MS4A5: variants seen among roughly 807,000 people sequenced by gnomAD.
MS4A5 encodes the protein membrane spanning 4-domains A5.
Under a neutral mutation model 18.2 loss-of-function variants are expected in MS4A5, and 15 were observed. That is an observed-to-expected ratio of 0.83 (90% confidence interval 0.55 to 1.27). The LOEUF (loss-of-function observed/expected upper bound fraction) is 1.27. MS4A5 is among the 50% of genes most tolerant of loss of function. The pLI is 0.00. For missense variants in MS4A5, 232 were observed against 225.7 expected (o/e 1.03, Z -0.18); for synonymous variants, 89 against 78.7 (o/e 1.13, Z -0.69).
At chr11:60,435,223 A>G (rs534966934) in intron 4 of MS4A5, among the ~76,000 whole-genome samples, 15 of 152,306 alleles carry the variant, frequency 9.8e-5, no homozygotes, top group Admixed American at 5.9e-4. Context: ...ATCTTAATAA[A>G]TTCCCATCAA....
intron 4 of MS4A5, among the ~76,000 whole-genome samples, chr11:60,445,756 C>G (rs1394154386): frequency 2.0e-5 from 3 of 152,072 alleles, no homozygotes; most frequent in African/African-American, 7.2e-5. Context: ...AATGGCCAAA[C>G]ATACAATAAT....
At chr11:60,429,902 T>C (rs990614690) in intron 1 of MS4A5, 75 bp downstream of exon 1, 5 of 1,410,086 alleles carry the variant, frequency 3.5e-6, no homozygotes, top group South Asian at 2.6e-5. Context: ...TTGGCACATG[T>C]TTGAAGGTAG....
At chr11:60,432,496 T>C (rs1410656889) in intron 3 of MS4A5, 29 bp downstream of exon 3, 3 of 1,427,724 alleles carry the variant, frequency 2.1e-6, no homozygotes, top group South Asian at 1.2e-5. Flanking sequence ...TTATTAAAAA[T>C]ATATTTTGTA....
intron 4 of MS4A5, among the ~76,000 whole-genome samples, chr11:60,444,147 C>T (rs975504665): frequency 2.0e-5 from 3 of 152,070 alleles, no homozygotes; most frequent in Admixed American, 1.3e-4. Context: ...AACATAAGGA[C>T]ATTATAAAAT....
At chr11:60,437,914 C>A (rs540232931) in intron 4 of MS4A5, among the ~76,000 whole-genome samples, 3,105 of 151,954 alleles carry the variant, frequency 0.02, 40 homozygotes, top group Non-Finnish European at 0.029. Context: ...AGCTCTGCAC[C>A]AAGCAGACCT....
chr11:60,432,431 C>T lies in MS4A5; in HGVS notation c.303C>T (p.Phe101=). The T allele has an allele frequency of 2.5e-6, 4 of 1,593,198 alleles. No individual in the cohort carries two copies. The highest frequency in any genetic ancestry group is 3.4e-6 in the Non-Finnish European group (4 of 1,163,406). The change falls in exon 3 of 5, where the codon TTC becomes TTT. Residue 101 remains phenylalanine (F), a synonymous_variant. Coordinates refer to ENST00000300190, the MANE Select transcript of MS4A5 (RefSeq NM_023945.3). ...AACAGTTCATTAATTCTGGAGCCTTCCTAATTGCAGTGAAAAGAAAAACCA... is the reference window on the plus strand; with the variant it reads ...AACAGTTCATTAATTCTGGAGCCTTTCTAATTGCAGTGAAAAGAAAAACCA... The part of the protein sequence containing the change: ...GSVLFINSGA[F]LIAVKRKTTE...
At chr11:60,446,528 CAGG>C (rs2135181568) in intron 4 of MS4A5, among the ~76,000 whole-genome samples, 1 of 152,230 alleles carries the variant, frequency 6.6e-6, no homozygotes, top group Admixed American at 6.5e-5. Flanking sequence ...CACCTGAAGT[CAGG>C]AGTTCAGCGC....
intron 4 of MS4A5, among the ~76,000 whole-genome samples, chr11:60,446,658 GGGAGTT>G (rs2086139724): frequency 6.6e-6 from 1 of 152,018 alleles, no homozygotes; most frequent in Admixed American, 6.5e-5. Flanking sequence ...GCTTGAACCT[GGGAGTT>G]GGAGGTTGCA....
At chr11:60,445,770 C>T (rs535641237) in intron 4 of MS4A5, among the ~76,000 whole-genome samples, 1 of 152,202 alleles carries the variant, frequency 6.6e-6, no homozygotes, top group South Asian at 2.1e-4. Flanking sequence ...CAATAATGCT[C>T]CAATTCACTA....
chr11:60,430,182 C>A (rs1384162354), intron 1 of MS4A5, among the ~76,000 whole-genome samples: 1 of 152,072 alleles, frequency 6.6e-6, no homozygotes, highest in Non-Finnish European at 1.5e-5. Context: ...ATATTGTCCT[C>A]ATTAGTCTTT....
At chr11:60,447,222 A>G (rs778763096) in intron 4 of MS4A5, among the ~76,000 whole-genome samples, 7 of 151,828 alleles carry the variant, frequency 4.6e-5, no homozygotes, top group Non-Finnish European at 1.0e-4. Context: ...ATGCTATGCT[A>G]TCCTATGCTA....
At chr11:60,432,513 C>T (rs2086055297) in intron 3 of MS4A5, 46 bp downstream of exon 3, 2 of 1,216,770 alleles carry the variant, frequency 1.6e-6, no homozygotes, top group South Asian at 1.3e-5. Flanking sequence ...TGTAGCCAGT[C>T]ATGGTGGCTC....
chr11:60,447,154 CCTATGCTATCCTATGTTATGCTATG>C (rs2086143685), intron 4 of MS4A5, among the ~76,000 whole-genome samples: 3 of 81,286 alleles, frequency 3.7e-5, no homozygotes, highest in Admixed American at 1.4e-4. Flanking sequence ...GCTATGCTAT[CCTATGCTATCCTATGTTATGCTATG>C]CTATGCTATC....
At chr11:60,446,093 A>G (rs75460922) in intron 4 of MS4A5, among the ~76,000 whole-genome samples, 7,917 of 152,192 alleles carry the variant, frequency 0.052, 275 homozygotes, top group South Asian at 0.16. Flanking sequence ...CAAACAAACA[A>G]AAAAACACAG....
In MS4A5 at chr11:60,430,790, T is replaced by C. The variant is rs2086044444; in HGVS notation, c.154-6T>C. On this transcript the variant is annotated splice_polypyrimidine_tract_variant and splice_region_variant and intron_variant, in intron 1 of 4. Coordinates refer to ENST00000300190, the MANE Select transcript of MS4A5 (RefSeq NM_023945.3). ...TCCTCACCATGACTTTTTCCTCTATTTGCAGACTATCCAGATCCTGTTTGG... is the reference window on the plus strand; with the variant it reads ...TCCTCACCATGACTTTTTCCTCTATCTGCAGACTATCCAGATCCTGTTTGG... The C allele has an allele frequency of 6.2e-7, 1 of 1,610,936 alleles. No individual in the cohort carries two copies. The highest frequency in any genetic ancestry group is 1.3e-5 in the African/African-American group (1 of 74,780).
Position 60,430,844 on chromosome 11 carries a change from T to G in MS4A5, c.202T>G (p.Phe68Val). Residue 68 changes from phenylalanine to valine, a missense_variant, in exon 2 of 5, where the codon TTC becomes GTC. By Grantham distance (50) the Phe-to-Val change is conservative (BLOSUM62 -1). Coordinates refer to ENST00000300190, the MANE Select transcript of MS4A5 (RefSeq NM_023945.3). ...TATGACCTTTTCTTTTGGAGTTATCTTCCTTTTCACCTTGTTAAAACCATA... is the reference window on the plus strand; with the variant it reads ...TATGACCTTTTCTTTTGGAGTTATCGTCCTTTTCACCTTGTTAAAACCATA... ...GIMTFSFGVIFLFTLLKPYPR... is the reference protein window; with the variant it reads ...GIMTFSFGVIVLFTLLKPYPR... The G allele has an allele frequency of 6.2e-7, 1 of 1,613,530 alleles. No homozygotes were observed. Among genetic ancestry groups the G allele is most frequent in the South Asian group, 1.1e-5 (1 of 91,018 alleles).
intron 4 of MS4A5, among the ~76,000 whole-genome samples, chr11:60,442,591 T>C (rs1264244171): frequency 6.6e-6 from 1 of 152,102 alleles, no homozygotes; most frequent in Non-Finnish European, 1.5e-5. Flanking sequence ...CAAACCACCA[T>C]TGCACATGTA....
intron 4 of MS4A5, among the ~76,000 whole-genome samples, chr11:60,441,524 CA>C (rs965193931): frequency 8.2e-6 from 1 of 122,294 alleles, no homozygotes; most frequent in Non-Finnish European, 1.8e-5. Flanking sequence ...AGAAACTCGA[CA>C]AAAAAAATGG....
chr11:60,433,944 T>C (rs1480511588), intron 4 of MS4A5, 27 bp downstream of exon 4: 1 of 1,602,474 alleles, frequency 6.2e-7, no homozygotes, highest in East Asian at 2.2e-5. Flanking sequence ...TATAGAGTGA[T>C]GAGTAAAGGG....
Sources: allele counts gnomAD v4.1 joint callset (sites outside exome capture counted in the v4.1 genomes callset), GRCh38; gene constraint gnomAD v4.1.1; transcripts MANE v1.5; gene names NCBI Gene and HGNC (gene_info 2026-07-23, HGNC 2026-07-21).